SHISAL2A: variants seen among roughly 807,000 people sequenced by gnomAD.
SHISAL2A encodes protein shisa-like-2A.
A neutral mutation model predicts 11.5 loss-of-function variants in SHISAL2A; 18 were observed. That is an observed-to-expected ratio of 1.57 (90% CI 1.08 to 2.33). The LOEUF (loss-of-function observed/expected upper bound fraction) is 2.33, where lower values mean the gene tolerates loss of function less well. Ranked by LOEUF, SHISAL2A falls within the 30% of genes most tolerant of loss-of-function variation. The pLI, the probability that SHISAL2A is intolerant of heterozygous loss-of-function variation, is 0.00. For missense variants in SHISAL2A, 261 were observed against 250.9 expected, an observed-to-expected ratio of 1.04 and a Z score of -0.27; for synonymous variants, 94 against 99.6, an observed-to-expected ratio of 0.94 and a Z score of 0.34.
chr1:52,650,646 T>C (rs1691615453), intron 2 of SHISAL2A, among the ~76,000 whole-genome samples: 2 of 138,316 alleles, frequency 1.4e-5, no homozygotes, highest in African/African-American at 5.2e-5. Flanking sequence ...TAAAACCCTT[T>C]TTTTTTTTTT....
intron 1 of SHISAL2A, among the ~76,000 whole-genome samples, chr1:52,637,608 GAC>G (rs1691266095): frequency 1.3e-5 from 2 of 152,330 alleles, no homozygotes; most frequent in East Asian, 3.9e-4. Flanking sequence ...TGAGCCAGAA[GAC>G]AGCAGCCTTG....
At chr1:52,658,489 T>A (rs1691842446), downstream of SHISAL2A, among the ~76,000 whole-genome samples, 1 of 152,220 alleles carries the variant, frequency 6.6e-6, no homozygotes, top group African/African-American at 2.4e-5. Flanking sequence ...CCCCTGTCAC[T>A]TACTTGCTAG....
intron 2 of SHISAL2A, among the ~76,000 whole-genome samples, chr1:52,644,317 C>T (rs1392481458): frequency 1.3e-5 from 2 of 152,166 alleles, no homozygotes; most frequent in Non-Finnish European, 2.9e-5. Context: ...GTAGTGGGTA[C>T]ATGTGTGTGG....
downstream of SHISAL2A, among the ~76,000 whole-genome samples, chr1:52,658,109 A>T (rs1344895911): frequency 6.6e-6 from 1 of 151,844 alleles, no homozygotes; most frequent in Admixed American, 6.6e-5. Flanking sequence ...GCATGATCTC[A>T]GCTCAGTGCA....
At chr1:52,665,439 G>A (rs551929274) in intron 4 of SHISAL2A, among the ~76,000 whole-genome samples, 6 of 152,240 alleles carry the variant, frequency 3.9e-5, no homozygotes, top group Admixed American at 1.3e-4. Context: ...AGGAGCAGTT[G>A]TCCCCGATGT....
At chr1:52,640,074 G>A (rs1001907465) in intron 1 of SHISAL2A, 3 of 152,188 alleles carry the variant, frequency 2.0e-5, no homozygotes, top group African/African-American at 7.2e-5. Flanking sequence ...ACAGGTATGA[G>A]CCACATCGCC....
chr1:52,649,550 C>G (rs77038261), intron 2 of SHISAL2A, among the ~76,000 whole-genome samples: 2 of 152,278 alleles, frequency 1.3e-5, no homozygotes, highest in African/African-American at 2.4e-5. Flanking sequence ...GTCCCATCAC[C>G]GTCACACCCA....
intron 4 of SHISAL2A, among the ~76,000 whole-genome samples, chr1:52,666,279 G>C (rs114563671): frequency 6.6e-6 from 1 of 151,950 alleles, no homozygotes; most frequent in African/African-American, 2.4e-5. Flanking sequence ...TGATGAAACC[G>C]TGCCTCTACT....
chr1:52,649,108 T>A (rs1691568827), intron 2 of SHISAL2A, among the ~76,000 whole-genome samples: 2 of 152,154 alleles, frequency 1.3e-5, no homozygotes, highest in African/African-American at 4.8e-5. Flanking sequence ...TCTTCTTCAT[T>A]AAGTGTTGGC....
downstream of SHISAL2A, among the ~76,000 whole-genome samples, chr1:52,658,149 C>A (rs929041808): frequency 1.3e-5 from 2 of 152,114 alleles, no homozygotes; most frequent in Non-Finnish European, 2.9e-5. Flanking sequence ...AAGTGATCCT[C>A]CCACCTCAGC....
chr1:52,660,119 T>C (rs1253905207), downstream of SHISAL2A, among the ~76,000 whole-genome samples: 2 of 152,174 alleles, frequency 1.3e-5, no homozygotes, highest in African/African-American at 2.4e-5. Flanking sequence ...GATGCTGGTC[T>C]GAGACCACCC....
Position 52,633,506 on chromosome 1 carries a change from T to C in SHISAL2A, c.13T>C (p.Cys5Arg). ...GGCGCGGGGCGCGATGAGCGGCGCCTGCACGAGCTACGTGAGCGCAGAGCA... is the reference window on the plus strand; with the variant it reads ...GGCGCGGGGCGCGATGAGCGGCGCCCGCACGAGCTACGTGAGCGCAGAGCA... MSGA[C>R]TSYVSAEQEV... The change falls in exon 1 of 3, where the codon TGC becomes CGC. Residue 5 changes from cysteine to arginine, a missense_variant. By Grantham distance (180) the Cys-to-Arg change is radical. Transcript: ENST00000517870. The surrounding 1 kb of genome is among the most constrained non-coding windows in gnomAD (Gnocchi z 6.4). The C allele has an allele frequency of 1.3e-6, 2 of 1,534,688 alleles. No individual in the cohort carries two copies. Among genetic ancestry groups the C allele is most frequent in the South Asian group, 2.4e-5 (2 of 83,638 alleles).
Position 52,642,960 on chromosome 1 carries a change from C to A in SHISAL2A, c.280C>A (p.Pro94Thr), listed in dbSNP as rs747819800. The A allele has an allele frequency of 5.0e-6, 8 of 1,614,018 alleles. No homozygotes were observed. The highest frequency in any genetic ancestry group is 6.8e-6 in the Non-Finnish European group (8 of 1,180,026). ...VLCYLFISSKPHTKLDLGLSL... is the reference protein window; with the variant it reads ...VLCYLFISSKTHTKLDLGLSL... ...CTGCTACCTGTTCATCAGCTCTAAG[C>A]CCCACACAAAGTTGGACCTGGGCTT... Residue 94 changes from proline (P) to threonine (T), a missense_variant, in exon 2 of 3, where the codon CCC becomes ACC. Physicochemically the swap from Pro to Thr is conservative, Grantham distance 38. Transcript: ENST00000517870.
At position 52,633,288 on chromosome 1, in the gene SHISAL2A, C is replaced by T; in HGVS notation, c.-206C>T. The stretch of plus-strand genomic sequence containing the variant: ...GCCGCCCGCCCCGCCTGCCCCTACC[C>T]CTCCGCGCGGGCCGGGCACCTGGCC... On this transcript the variant is annotated 5_prime_UTR_variant, in exon 1 of 3. Coordinates refer to ENST00000517870, the MANE Select transcript of SHISAL2A (RefSeq NM_001042693.3). This position sits in a 1 kb window ranked among gnomAD's most constrained non-coding sequence, Gnocchi z 6.4. 4.4e-6 allele frequency: 2 copies of T among 456,200 alleles called. No individual in the cohort carries two copies. The highest frequency in any genetic ancestry group is 7.5e-6 in the Non-Finnish European group (2 of 266,062). 28.3% of individuals were successfully genotyped at this position (456,200 alleles called of 1,614,324 possible). A position where few individuals can be genotyped will look rare whatever the true frequency, so the allele number is the denominator to read the frequency against.
In SHISAL2A at chr1:52,653,287, A is replaced by C. The variant is rs556385855; in HGVS notation, c.323-3503A>C. Among the ~76,000 whole-genome samples the C allele has an allele frequency of 3.1e-3, 136 of 43,684 alleles. 1 individual carries two copies. Among genetic ancestry groups the C allele is most frequent in the African/African-American group, 0.029 (127 of 4,320 alleles). 28.7% of individuals were successfully genotyped at this position (43,684 alleles called of 152,430 possible). A position where few individuals can be genotyped will look rare whatever the true frequency, so the allele number is the denominator to read the frequency against. On this transcript the variant is annotated intron_variant, in intron 2 of 2. Transcript: ENST00000517870. ...AACATGACAAGACTCCTGTCTCTAC[A>C]AAAAAAAAAAAAAAAAAAAAAAAAA...
At chr1:52,654,150 A>G (rs897072640) in intron 2 of SHISAL2A, among the ~76,000 whole-genome samples, 2 of 151,990 alleles carry the variant, frequency 1.3e-5, no homozygotes, top group African/African-American at 4.8e-5. Context: ...GGCTCAAGCA[A>G]TTCTCCCTTC....
At chr1:52,642,328 A>C (rs1341598236) in intron 1 of SHISAL2A, among the ~76,000 whole-genome samples, 1 of 152,148 alleles carries the variant, frequency 6.6e-6, no homozygotes, top group African/African-American at 2.4e-5. Context: ...CTTGGCATAT[A>C]GTTGGTGCAC....
intron 2 of SHISAL2A, among the ~76,000 whole-genome samples, chr1:52,653,954 G>A (rs976362217): frequency 6.6e-6 from 1 of 152,118 alleles, no homozygotes; most frequent in African/African-American, 2.4e-5. Flanking sequence ...GAAGGGTTTG[G>A]CACAAAGTAG....
intron 2 of SHISAL2A, among the ~76,000 whole-genome samples, chr1:52,650,949 CTTTT>C (rs779523487): frequency 8.0e-5 from 11 of 138,336 alleles, no homozygotes; most frequent in Non-Finnish European, 1.4e-4. Flanking sequence ...CTGGCCTAAC[CTTTT>C]TTTTTTTTTT....
Sources: gnomAD v4.1 joint callset for allele counts (sites outside exome capture counted in the v4.1 genomes callset) on GRCh38, gnomAD v4.1.1 for gene constraint, Gnocchi (gnomAD v3.1) non-coding constraint, MANE v1.5 for transcripts, NCBI Gene and HGNC (gene_info 2026-07-23, HGNC 2026-07-21) for gene names.